Variants in FAM78B observed in about 807,000 individuals in gnomAD.
FAM78B encodes the protein protein FAM78B.
A neutral mutation model predicts 20.0 loss-of-function variants in FAM78B; 10 were observed. That is an observed-to-expected ratio of 0.50 (90% CI 0.31 to 0.85). FAM78B has a LOEUF of 0.85. Ranked by LOEUF, FAM78B falls within the 40% of genes least tolerant of loss-of-function variation. The pLI is 0.05. For synonymous variants in FAM78B, 135 were observed against 132.8 expected (o/e 1.02, Z -0.12); for missense variants, 283 against 345.0 (o/e 0.82, Z 1.42).
chr1:166,136,071 AG>A (rs1380908873), intron 1 of FAM78B, among the ~76,000 whole-genome samples: 2 of 152,154 alleles, frequency 1.3e-5, no homozygotes, highest in Non-Finnish European at 2.9e-5. Context: ...GTTCTTTTAA[AG>A]GGGACTTGTC....
intron 1 of FAM78B, among the ~76,000 whole-genome samples, chr1:166,084,237 A>ACACACTCTCTCTCT (rs771421402): frequency 0.02 from 2,503 of 125,330 alleles, 34 homozygotes; most frequent in Non-Finnish European, 0.03. Flanking sequence ...ACACACACAC[A>ACACACTCTCTCTCT]CTCTCTCTCT....
chr1:166,135,886 C>T (rs1655047210), intron 1 of FAM78B, among the ~76,000 whole-genome samples: 1 of 152,202 alleles, frequency 6.6e-6, no homozygotes, highest in African/African-American at 2.4e-5. Context: ...CAAAAGTTAA[C>T]AATCCAAGGT....
intron 1 of FAM78B, among the ~76,000 whole-genome samples, chr1:166,079,310 TGA>T (rs1322092521): frequency 6.6e-6 from 1 of 152,174 alleles, no homozygotes; most frequent in Non-Finnish European, 1.5e-5. Flanking sequence ...TCTGTGGTGC[TGA>T]GAGGGTGGCC....
intron 1 of FAM78B, among the ~76,000 whole-genome samples, chr1:166,134,919 C>T (rs1043345828): frequency 6.6e-6 from 1 of 152,192 alleles, no homozygotes; most frequent in African/African-American, 2.4e-5. Context: ...GTACTGCTTC[C>T]TTTTATTTGT....
chr1:166,066,878 G>T (rs569871268), downstream of FAM78B, among the ~76,000 whole-genome samples: 1 of 152,120 alleles, frequency 6.6e-6, no homozygotes, highest in Non-Finnish European at 1.5e-5. Context: ...GATGAGATTC[G>T]GGAGATGTGC....
At chr1:166,085,448 A>G (rs971456619) in intron 1 of FAM78B, among the ~76,000 whole-genome samples, 3 of 152,214 alleles carry the variant, frequency 2.0e-5, no homozygotes, top group African/African-American at 7.2e-5. Context: ...ACTTCCTGCA[A>G]TTTATTCCCA....
At chr1:166,071,988 G>A (rs1469875679) in intron 1 of FAM78B, among the ~76,000 whole-genome samples, 6 of 152,160 alleles carry the variant, frequency 3.9e-5, no homozygotes, top group Admixed American at 6.5e-5. Context: ...TTTTCGCTCC[G>A]GGTACCAGGG....
intron 1 of FAM78B, among the ~76,000 whole-genome samples, chr1:166,074,487 T>A (rs1652188763): frequency 6.6e-6 from 1 of 152,232 alleles, no homozygotes. Flanking sequence ...TTATGACTTA[T>A]TTTTGAATCA....
intron 1 of FAM78B, among the ~76,000 whole-genome samples, chr1:166,098,250 C>T (rs923858769): frequency 1.3e-5 from 2 of 152,146 alleles, no homozygotes; most frequent in African/African-American, 4.8e-5. Flanking sequence ...CCTAGACCTT[C>T]CCTTTGACAG....
chr1:166,096,923 TA>T (rs1214940896), intron 1 of FAM78B, among the ~76,000 whole-genome samples: 1 of 152,128 alleles, frequency 6.6e-6, no homozygotes, highest in African/African-American at 2.4e-5. Context: ...GCTCACACTG[TA>T]AGCTGTAGGT....
chr1:166,069,618 G>A lies in FAM78B; in HGVS notation c.*623C>T, dbSNP rs1651934925. 6.6e-6 allele frequency: 1 copy of A among 152,254 alleles called. No individual in the cohort carries two copies. Among genetic ancestry groups the A allele is most frequent in the African/African-American group, 2.4e-5 (1 of 41,462 alleles). 9.4% of individuals were successfully genotyped at this position (152,254 alleles called of 1,614,324 possible). On this transcript the variant is annotated 3_prime_UTR_variant, in exon 2 of 2. Transcript: ENST00000354422. Reference sequence around the variant, plus strand: ...ACATCAGCACCTTGGACAGTTCCAAGGAGGCTTTCTCCCTCAGAAAGGAGC... The same window carrying A: ...ACATCAGCACCTTGGACAGTTCCAAAGAGGCTTTCTCCCTCAGAAAGGAGC...
intron 1 of FAM78B, among the ~76,000 whole-genome samples, chr1:166,103,630 A>G (rs1261827744): frequency 6.6e-6 from 1 of 152,214 alleles, no homozygotes; most frequent in Admixed American, 6.5e-5. Flanking sequence ...CTCGACACAT[A>G]CACCTTCCCA....
intron 2 of FAM78B, among the ~76,000 whole-genome samples, chr1:166,062,413 G>A (rs1651632245): frequency 6.6e-6 from 1 of 152,244 alleles, no homozygotes; most frequent in Non-Finnish European, 1.5e-5. Context: ...TGAGTTTAAA[G>A]CTGCTTATTC....
At position 166,162,213 on chromosome 1, in the gene FAM78B, G is replaced by T. The variant is rs1209804140; in HGVS notation, c.263+3773C>A. On this transcript the variant is annotated intron_variant, in intron 1 of 1. Transcript: ENST00000354422. ...GCAGTTTCAGAATGGATAGAGATCA[G>T]CTTGGACTAAACTGAACAGGCAACA... is the stretch of plus-strand genomic sequence containing the variant. Among the ~76,000 whole-genome samples the T allele has an allele frequency of 2.0e-5, 3 of 152,188 alleles. No homozygotes were observed. The East Asian group carries it at 5.8e-4, about 29-fold the overall frequency.
intron 1 of FAM78B, among the ~76,000 whole-genome samples, chr1:166,101,428 T>C (rs1044970088): frequency 5.3e-5 from 8 of 151,950 alleles, no homozygotes; most frequent in Admixed American, 5.2e-4. Context: ...GGTGAGGAAG[T>C]TCAAACCCAT....
At chr1:166,098,193 C>A (rs1571159312) in intron 1 of FAM78B, among the ~76,000 whole-genome samples, 2 of 152,256 alleles carry the variant, frequency 1.3e-5, no homozygotes, top group East Asian at 3.9e-4. Flanking sequence ...AGTACTACAT[C>A]AAGGGAACAC....
intron 1 of FAM78B, among the ~76,000 whole-genome samples, chr1:166,103,543 T>C (rs1234401340): frequency 6.6e-6 from 1 of 152,176 alleles, no homozygotes; most frequent in African/African-American, 2.4e-5. Flanking sequence ...CCCACAGAAA[T>C]ACAAACTACT....
At position 166,070,006 on chromosome 1, in the gene FAM78B, C is replaced by G. The variant is rs373813821; in HGVS notation, c.*235G>C. 2 of 1,224,296 alleles carry G rather than the reference C, an allele frequency of 1.6e-6. No homozygotes were observed. Among genetic ancestry groups the G allele is most frequent in the East Asian group, 6.5e-5 (2 of 30,676 alleles). The allele number at this position is 1,224,296 out of a possible 1,614,324, so 75.8% of individuals were successfully genotyped here. ...AAAATATGGCTACTTGCATGGTAAT[C>G]ACAGCAAGTCTGTCAAATCAGTGAT... On this transcript the variant is annotated 3_prime_UTR_variant, in exon 2 of 2. Coordinates refer to ENST00000354422, the MANE Select transcript of FAM78B (RefSeq NM_001017961.5).
intron 1 of FAM78B, among the ~76,000 whole-genome samples, chr1:166,080,937 CCT>C (rs1331869619): frequency 6.6e-6 from 1 of 152,194 alleles, no homozygotes. Flanking sequence ...CCACCTGGCC[CCT>C]GAGACCAATT....
Sources: allele counts gnomAD v4.1 joint callset (sites outside exome capture counted in the v4.1 genomes callset), GRCh38; gene constraint gnomAD v4.1.1; transcripts MANE v1.5; gene names NCBI Gene and HGNC (gene_info 2026-07-23, HGNC 2026-07-21).